PCDHGA3: variants seen among roughly 807,000 people sequenced by gnomAD.
PCDHGA3 encodes protocadherin gamma subfamily A, 3.
PCDHGA3 carries 40 observed loss-of-function variants against 58.5 expected under a neutral mutation model. The observed-to-expected ratio is 0.68, with a 90% CI of 0.53 to 0.89. PCDHGA3 has a LOEUF of 0.89. PCDHGA3 is among the 40% of genes least tolerant of loss of function. The pLI is 0.00. For missense variants in PCDHGA3, 1,223 were observed against 1,195.9 expected, an observed-to-expected ratio of 1.02 and a Z score of -0.33; for synonymous variants, 530 against 525.7, an observed-to-expected ratio of 1.01 and a Z score of -0.11.
chr5:141,375,981 T>A, intron 1 of PCDHGA3: 1 of 1,613,410 alleles, frequency 6.2e-7, no homozygotes, highest in Non-Finnish European at 8.5e-7. Flanking sequence ...CGCGCCCTGC[T>A]GGACAGAGAC....
Position 141,476,758 on chromosome 5 carries a change from G to A in PCDHGA3, c.2425-18049G>A. On this transcript the variant is annotated intron_variant, in intron 1 of 3. Transcript: ENST00000253812. The surrounding 1 kb of genome is among the most constrained non-coding windows in gnomAD (Gnocchi z 7.6). Reference sequence around the variant, plus strand: ...GGGAGCCTAGTCTCCAGTTAGTGCTGACGGCGTTGGACGGAGGGACCCCAG... The same window carrying A: ...GGGAGCCTAGTCTCCAGTTAGTGCTAACGGCGTTGGACGGAGGGACCCCAG... 1 of 1,613,868 alleles carries A rather than the reference G, an allele frequency of 6.2e-7. No homozygotes were observed. The highest frequency in any genetic ancestry group is 1.1e-5 in the South Asian group (1 of 91,086).
intron 1 of PCDHGA3, chr5:141,398,053 A>C: frequency 2.0e-6 from 3 of 1,516,468 alleles, no homozygotes; most frequent in Non-Finnish European, 2.7e-6. Flanking sequence ...TCGGAGATCC[A>C]AAAATCTACA....
In PCDHGA3 at chr5:141,490,770, C is replaced by T. The variant is rs774014462; in HGVS notation, c.2425-4037C>T. 1.2e-6 allele frequency: 2 copies of T among 1,614,120 alleles called. No individual in the cohort carries two copies. Among genetic ancestry groups the T allele is most frequent in the Non-Finnish European group, 8.5e-7 (1 of 1,179,968 alleles). ...CAGCCTCCTCCTTTGTGTATGTCAA[C>T]CCAGAGGATGGACGGATCTTTGCCC... On this transcript the variant is annotated intron_variant, in intron 1 of 3. Transcript: ENST00000253812. The surrounding 1 kb of genome is among the most constrained non-coding windows in gnomAD (Gnocchi z 5.4).
At chr5:141,395,093 C>CT (rs2093169149) in intron 1 of PCDHGA3, 4 of 1,614,040 alleles carry the variant, frequency 2.5e-6, no homozygotes, top group Non-Finnish European at 3.4e-6. Flanking sequence ...TCTCCCTCAC[C>CT]GCCGACTCGC....
chr5:141,427,151 G>A (rs1481629222), intron 1 of PCDHGA3: 1 of 456,934 alleles, frequency 2.2e-6, no homozygotes, highest in Admixed American at 2.3e-5. Flanking sequence ...TTGGAAATAT[G>A]TTTGTGCTAG....
intron 1 of PCDHGA3, chr5:141,421,492 G>C: frequency 1.7e-5 from 28 of 1,614,106 alleles, no homozygotes; most frequent in Non-Finnish European, 2.3e-5. Flanking sequence ...GATCACGGCA[G>C]GCAGGATAGA....
chr5:141,400,515 T>C lies in PCDHGA3; in HGVS notation c.2424+54058T>C, dbSNP rs367864769. On this transcript the variant is annotated intron_variant, in intron 1 of 3. Coordinates refer to ENST00000253812, the MANE Select transcript of PCDHGA3 (RefSeq NM_018916.4). ...GTAATTCCAGCGAGTCGACTTCCCATCCTGAGTTGGTGAGTTTCATTTATG... is the reference window on the plus strand; with the variant it reads ...GTAATTCCAGCGAGTCGACTTCCCACCCTGAGTTGGTGAGTTTCATTTATG... 2,129 of 1,613,988 alleles carry C rather than the reference T, an allele frequency of 1.3e-3. 41 individuals are homozygous for C. In the South Asian group the frequency reaches 0.02, roughly 15 times the overall value.
chr5:141,371,912 C>T (rs1768180129), intron 1 of PCDHGA3: 11 of 1,613,380 alleles, frequency 6.8e-6, no homozygotes, highest in Non-Finnish European at 9.3e-6. Context: ...CCTACGTGTC[C>T]GTGAGCGCGC....
chr5:141,460,795 G>GTA (rs2154567069), intron 1 of PCDHGA3, among the ~76,000 whole-genome samples: 1 of 151,608 alleles, frequency 6.6e-6, no homozygotes, highest in East Asian at 1.9e-4. Flanking sequence ...TACACACAAA[G>GTA]TATATATATG....
At chr5:141,420,370 T>A in intron 1 of PCDHGA3, 1 of 1,352,032 alleles carries the variant, frequency 7.4e-7, no homozygotes, top group South Asian at 1.8e-5. Flanking sequence ...GATAACTTCT[T>A]CATAGAGTTC....
rs888389135 is a variant in PCDHGA3 at position 141,487,089 on chromosome 5, C to T, written c.2425-7718C>T. 12 of 1,613,882 alleles carry T rather than the reference C, an allele frequency of 7.4e-6. No individual in the cohort carries two copies. Among genetic ancestry groups the T allele is most frequent in the Non-Finnish European group, 1.0e-5 (12 of 1,179,768 alleles). On this transcript the variant is annotated intron_variant, in intron 1 of 3. Coordinates refer to ENST00000253812, the MANE Select transcript of PCDHGA3 (RefSeq NM_018916.4). The surrounding 1 kb of genome is among the most constrained non-coding windows in gnomAD (Gnocchi z 5.0). The stretch of plus-strand genomic sequence containing the variant: ...GCTGTTCCTATCCCAGCTGACCTCC[C>T]ACCACAGAAGCTGGTCATTGTGGTA...
chr5:141,404,185 C>T, intron 1 of PCDHGA3: 1 of 1,613,214 alleles, frequency 6.2e-7, no homozygotes, highest in Non-Finnish European at 8.5e-7. Context: ...AAATTCTTGA[C>T]CGAGAAAAAG....
chr5:141,489,288 G>A lies in PCDHGA3; in HGVS notation c.2425-5519G>A. 6.3e-7 allele frequency: 1 copy of A among 1,575,870 alleles called. No homozygotes were observed. Among genetic ancestry groups the A allele is most frequent in the Non-Finnish European group, 8.6e-7 (1 of 1,161,152 alleles). On this transcript the variant is annotated intron_variant, in intron 1 of 3. Coordinates refer to ENST00000253812, the MANE Select transcript of PCDHGA3 (RefSeq NM_018916.4). The surrounding 1 kb of genome is among the most constrained non-coding windows in gnomAD (Gnocchi z 4.5). ...AGCTCGCTGGGAAATGGCAAGTGCT[G>A]TGCATGTTGTCCTTGTGCTGCTGGG...
intron 1 of PCDHGA3, among the ~76,000 whole-genome samples, chr5:141,494,100 G>T (rs559145191): frequency 6.6e-6 from 1 of 152,152 alleles, no homozygotes; most frequent in Non-Finnish European, 1.5e-5. Flanking sequence ...ATTTTTCTCC[G>T]TCTCAGACAG....
intron 1 of PCDHGA3, among the ~76,000 whole-genome samples, chr5:141,462,559 T>G (rs1035231534): frequency 6.6e-6 from 1 of 152,248 alleles, no homozygotes; most frequent in African/African-American, 2.4e-5. Flanking sequence ...CAGTGTTTAC[T>G]GTATTTGCTA....
In PCDHGA3 at chr5:141,345,560, C is replaced by A. The variant is rs1757596702; in HGVS notation, c.1527C>A (p.Ser509=). The A allele has an allele frequency of 1.2e-6, 2 of 1,614,242 alleles. No individual in the cohort carries two copies. The change falls in exon 1 of 4, where the codon TCC becomes TCA. Residue 509 remains serine (S), a synonymous_variant. Transcript: ENST00000253812. ...TGTCCTCCTTCGTCTCTATCAACTC[C>A]AACACTGGCGTCCTATACGCGCTGA... The part of the protein sequence containing the change: ...APLSSFVSIN[S]NTGVLYALRS...
chr5:141,443,733 C>T (rs7723254), intron 1 of PCDHGA3, among the ~76,000 whole-genome samples: 16,856 of 152,062 alleles, frequency 0.11, 1,109 homozygotes, highest in African/African-American at 0.17. Context: ...TCATACATTT[C>T]CCTATCAGTG....
chr5:141,384,247 C>T (rs1779885951), intron 1 of PCDHGA3: 1 of 1,613,912 alleles, frequency 6.2e-7, no homozygotes, highest in Non-Finnish European at 8.5e-7. Flanking sequence ...CGATAACCCA[C>T]CCACCTTCCC....
intron 1 of PCDHGA3, chr5:141,383,199 G>T (rs574670513): frequency 6.2e-7 from 1 of 1,614,040 alleles, no homozygotes; most frequent in South Asian, 1.1e-5. Flanking sequence ...CTCAGAGTGC[G>T]CGGTGTCTGG....
Sources: allele counts gnomAD v4.1 joint callset (sites outside exome capture counted in the v4.1 genomes callset), GRCh38; gene constraint gnomAD v4.1.1; non-coding constraint Gnocchi (gnomAD v3.1); transcripts MANE v1.5; gene names NCBI Gene and HGNC (gene_info 2026-07-23, HGNC 2026-07-21).